NDST1: variants seen among roughly 807,000 people sequenced by gnomAD.
NDST1 encodes bifunctional heparan sulfate N-deacetylase/N-sulfotransferase 1.
In NDST1, 35 loss-of-function variants were observed where a neutral mutation model predicts 92.8. The ratio of observed to expected loss-of-function variants is 0.38; its 90% CI spans 0.29 to 0.50. The LOEUF is 0.50. Among genes scored for constraint, NDST1 ranks in the 20% least tolerant of loss-of-function variants. NDST1 has a pLI of 0.94. For missense variants in NDST1, 822 were observed against 1,182.7 expected, an observed-to-expected ratio of 0.69 and a Z score of 4.47; for synonymous variants, 493 against 500.3, an observed-to-expected ratio of 0.99 and a Z score of 0.19.
At chr5:150,549,440 G>T (rs781393120) in intron 12 of NDST1, among the ~76,000 whole-genome samples, 1 of 152,214 alleles carries the variant, frequency 6.6e-6, no homozygotes, top group East Asian at 1.9e-4. Flanking sequence ...GGCAGGGTTT[G>T]GTGAGAGCTT....
chr5:150,514,186 T>C (rs80216162), intron 1 of NDST1, among the ~76,000 whole-genome samples: 7,603 of 152,330 alleles, frequency 0.05, 258 homozygotes, highest in East Asian at 0.13. Flanking sequence ...TTGTGTGATG[T>C]TGGGCAAGTG....
At chr5:150,515,522 C>G (rs1401475831) in intron 1 of NDST1, among the ~76,000 whole-genome samples, 1 of 152,136 alleles carries the variant, frequency 6.6e-6, no homozygotes, top group East Asian at 1.9e-4. Context: ...TTGGTGATGA[C>G]TTCAGAGGGG....
intron 1 of NDST1, among the ~76,000 whole-genome samples, chr5:150,502,497 T>A (rs949315155): frequency 6.6e-6 from 1 of 150,574 alleles, no homozygotes; most frequent in Non-Finnish European, 1.5e-5. Flanking sequence ...TCAGCTGTGC[T>A]GGGGTGGGGC....
chr5:150,547,001 A>G (rs1403330460), intron 11 of NDST1, among the ~76,000 whole-genome samples: 1 of 152,182 alleles, frequency 6.6e-6, no homozygotes, highest in Non-Finnish European at 1.5e-5. Flanking sequence ...GTAGAGAGAG[A>G]GCCGCCACAG....
intron 2 of NDST1, among the ~76,000 whole-genome samples, chr5:150,527,542 T>C (rs941681830): frequency 2.6e-5 from 4 of 152,222 alleles, no homozygotes; most frequent in Non-Finnish European, 5.9e-5. Context: ...ATGAGAGCAG[T>C]GTCTCCATCT....
chr5:150,545,856 A>G (rs901784348), intron 11 of NDST1, among the ~76,000 whole-genome samples: 2 of 152,216 alleles, frequency 1.3e-5, no homozygotes, highest in Non-Finnish European at 2.9e-5. Flanking sequence ...AGCTCATGGA[A>G]GGACAAGACA....
chr5:150,499,497 C>G (rs945563129), intron 1 of NDST1, among the ~76,000 whole-genome samples: 35 of 152,342 alleles, frequency 2.3e-4, no homozygotes, highest in African/African-American at 8.2e-4. Flanking sequence ...GGGCTGTGGG[C>G]TGAATCACCT....
chr5:150,510,134 T>G (rs1753654824), intron 1 of NDST1, among the ~76,000 whole-genome samples: 3 of 152,188 alleles, frequency 2.0e-5, no homozygotes, highest in Admixed American at 2.0e-4. Flanking sequence ...GCTTACCCTC[T>G]CTGAGCCTCC....
At chr5:150,543,648 G>A (rs767782472) in intron 10 of NDST1, among the ~76,000 whole-genome samples, 1 of 152,226 alleles carries the variant, frequency 6.6e-6, no homozygotes, top group Non-Finnish European at 1.5e-5. Context: ...CACCTCACAC[G>A]TGTGTGAACA....
At chr5:150,537,363 C>T (rs1268946105) in intron 6 of NDST1, among the ~76,000 whole-genome samples, 3 of 152,222 alleles carry the variant, frequency 2.0e-5, no homozygotes, top group Admixed American at 6.5e-5. Flanking sequence ...AGAAATATCG[C>T]TGAATTCTTT....
intron 3 of NDST1, 123 bp from the exon 4 acceptor site, chr5:150,532,822 G>C (rs182055354): frequency 2.2e-5 from 21 of 948,664 alleles, no homozygotes; most frequent in South Asian, 1.0e-4. Context: ...CCACCACGCC[G>C]TCCTTGACAT....
In NDST1 at chr5:150,528,236, G is replaced by A. The variant is rs1754556738; in HGVS notation, c.946G>A (p.Val316Met). Residue 316 changes from valine (V) to methionine (M), a missense_variant, in exon 3 of 15, where the codon GTG becomes ATG. Transcript: ENST00000261797. Reference protein sequence around the residue: ...LSLPLDRYILVDIDDIFVGKE... With the variant: ...LSLPLDRYILMDIDDIFVGKE... Reference sequence around the variant, plus strand: ...CCTGCCATTGGACCGCTACATCCTGGTGGACATTGATGACATCTTCGTGGG... The same window carrying A: ...CCTGCCATTGGACCGCTACATCCTGATGGACATTGATGACATCTTCGTGGG... 1 of 1,612,448 alleles carries A rather than the reference G, an allele frequency of 6.2e-7. No homozygotes were observed. The highest frequency in any genetic ancestry group is 8.5e-7 in the Non-Finnish European group (1 of 1,178,660).
In NDST1 at chr5:150,537,489, C is replaced by T. The variant is rs577925055; in HGVS notation, c.1437+1604C>T. 1.2e-3 allele frequency among the ~76,000 whole-genome samples: 180 copies of T among 152,300 alleles called. 3 individuals are homozygous for T. The highest frequency in any genetic ancestry group is 0.01 in the Middle Eastern group (3 of 294). ...TGTTGATAAGGGATGAAATAAGCCC[C>T]GGTCTCCCATAGCGCTCCCAGGCTT... On this transcript the variant is annotated intron_variant, in intron 6 of 14. Transcript: ENST00000261797.
chr5:150,507,394 G>C (rs910268525), upstream of NDST1, among the ~76,000 whole-genome samples: 2 of 152,104 alleles, frequency 1.3e-5, no homozygotes, highest in African/African-American at 4.8e-5. Flanking sequence ...AGCATTTGCT[G>C]TCAAGAAGCA....
Position 150,553,488 on chromosome 5 carries a change from C to T in NDST1, c.*156C>T, listed in dbSNP as rs577675045. The T allele has an allele frequency of 3.4e-5, 37 of 1,079,720 alleles. No individual in the cohort carries two copies. In the East Asian group the frequency reaches 8.3e-4, roughly 24 times the overall value. The allele number at this position is 1,079,720 out of a possible 1,614,324, so 66.9% of individuals were successfully genotyped here. ...TGGTGGGGCTGGGGGAGCACCCAGGCGGATCTGCAAGCACCTCGGAGCACC... is the reference window on the plus strand; with the variant it reads ...TGGTGGGGCTGGGGGAGCACCCAGGTGGATCTGCAAGCACCTCGGAGCACC... On this transcript the variant is annotated 3_prime_UTR_variant, in exon 15 of 15. Coordinates refer to ENST00000261797, the MANE Select transcript of NDST1 (RefSeq NM_001543.5). The surrounding 1 kb of genome is among the most constrained non-coding windows in gnomAD (Gnocchi z 4.2).
At chr5:150,529,483 A>G (rs919541587) in intron 3 of NDST1, among the ~76,000 whole-genome samples, 2 of 152,050 alleles carry the variant, frequency 1.3e-5, no homozygotes, top group African/African-American at 4.8e-5. Flanking sequence ...GTGAACTGTC[A>G]TTGTGAGAAA....
At chr5:150,512,020 G>T (rs577509771) in intron 1 of NDST1, among the ~76,000 whole-genome samples, 2 of 152,062 alleles carry the variant, frequency 1.3e-5, no homozygotes, top group Non-Finnish European at 2.9e-5. Context: ...AGTGGCCCTG[G>T]GTGCATGTGG....
In NDST1 at chr5:150,521,370, A is replaced by G; in HGVS notation, c.116A>G (p.Tyr39Cys). The G allele has an allele frequency of 1.2e-6, 2 of 1,613,526 alleles. No individual in the cohort carries two copies. Among genetic ancestry groups the G allele is most frequent in the Non-Finnish European group, 1.7e-6 (2 of 1,179,876 alleles). Residue 39 changes from tyrosine to cysteine, a missense_variant, in exon 2 of 15, where the codon TAT becomes TGT. Coordinates refer to ENST00000261797, the MANE Select transcript of NDST1 (RefSeq NM_001543.5). The surrounding 1 kb of genome is among the most constrained non-coding windows in gnomAD (Gnocchi z 5.9). Reference sequence around the variant, plus strand: ...GTTTTCATCTCGGCCTACTACCTATATGGCTGGAAGCGAGGCCTGGAGCCC... The same window carrying G: ...GTTTTCATCTCGGCCTACTACCTATGTGGCTGGAAGCGAGGCCTGGAGCCC... ...FSVFISAYYL[Y>C]GWKRGLEPSA...
intron 1 of NDST1, among the ~76,000 whole-genome samples, chr5:150,520,355 C>T (rs1754190502): frequency 1.6e-5 from 2 of 122,984 alleles, no homozygotes; most frequent in Admixed American, 1.7e-4. Flanking sequence ...GATGGAGACT[C>T]AGTCTTTTCA....
Sources: allele counts gnomAD v4.1 joint callset (sites outside exome capture counted in the v4.1 genomes callset), GRCh38; gene constraint gnomAD v4.1.1; non-coding constraint Gnocchi (gnomAD v3.1); transcripts MANE v1.5; gene names NCBI Gene and HGNC (gene_info 2026-07-23, HGNC 2026-07-21).